SDE2: variants seen among roughly 807,000 people sequenced by gnomAD.
SDE2 encodes spliceosome associated SDE2.
In SDE2, 31 loss-of-function variants were observed where a neutral mutation model predicts 46.9. The observed-to-expected ratio is 0.66, with a 90% confidence interval of 0.50 to 0.89. SDE2 has a LOEUF of 0.89. Among genes scored for constraint, SDE2 ranks in the 40% least tolerant of loss-of-function variants. SDE2 has a pLI of 0.00. For synonymous variants in SDE2, 205 were observed against 204.3 expected (o/e 1.00, Z -0.03); for missense variants, 542 against 564.4 (o/e 0.96, Z 0.40).
chr1:225,987,857 C>G, intron 6 of SDE2, 39 bp downstream of exon 6: 2 of 1,552,660 alleles, frequency 1.3e-6, no homozygotes, highest in Non-Finnish European at 1.7e-6. Flanking sequence ...GGAGATTAAA[C>G]TGATTTGGCT....
rs192900871 is a variant in SDE2, at chr1:225,989,819, T to C, written c.641+1424A>G. On this transcript the variant is annotated intron_variant, in intron 5 of 6. Coordinates refer to ENST00000272091, the MANE Select transcript of SDE2 (RefSeq NM_152608.4). ...GGCTGGACGCGGTGGCTCACGCCTA[T>C]AATCCCAGCACTTTGCGAGGCTGAG... 1.8e-3 allele frequency among the ~76,000 whole-genome samples: 269 copies of C among 152,102 alleles called. 2 individuals carry two copies. The highest frequency in any genetic ancestry group is 6.4e-3 in the African/African-American group (264 of 41,500).
intron 4 of SDE2, 99 bp from the exon 5 acceptor site, chr1:225,991,462 C>G: frequency 1.2e-6 from 1 of 864,960 alleles, no homozygotes; most frequent in Non-Finnish European, 1.8e-6. Context: ...ATCTACAGCT[C>G]CAGATTTAAA....
intron 4 of SDE2, among the ~76,000 whole-genome samples, 188 bp downstream of exon 4, chr1:225,992,210 A>G (rs1656417354): frequency 6.6e-6 from 1 of 152,114 alleles, no homozygotes; most frequent in South Asian, 2.1e-4. Context: ...AATGTTGTAT[A>G]TGTGTTCTTT....
chr1:225,989,575 G>A (rs1355590396), intron 5 of SDE2, among the ~76,000 whole-genome samples: 1 of 150,790 alleles, frequency 6.6e-6, no homozygotes, highest in Non-Finnish European at 1.5e-5. Context: ...GTTGCAGTAA[G>A]CCGAGATTGT....
rs774650120 is a variant in SDE2, at chr1:225,999,294, G to C, written c.19C>G (p.Leu7Val). The change falls in exon 1 of 7, where the codon CTG becomes GTG. Residue 7 changes from leucine (L) to valine (V), a missense_variant. By Grantham distance (32) the Leu-to-Val change is conservative (BLOSUM62 1). Coordinates refer to ENST00000272091, the MANE Select transcript of SDE2 (RefSeq NM_152608.4). The part of the protein sequence containing the change: MAEAAA[L>V]VWIRGPGFGC... ...AAGCCAGGGCCGCGAATCCACACCA[G>C]CGCCGCGGCCTCCGCCATGTCACCG... 8 of 1,611,420 alleles carry C rather than the reference G, an allele frequency of 5.0e-6. No individual in the cohort carries two copies. The East Asian group carries it at 1.8e-4, about 36-fold the overall frequency.
At position 225,992,386 on chromosome 1, in the gene SDE2, C is replaced by A; in HGVS notation, c.520+12G>T. On this transcript the variant is annotated intron_variant, in intron 4 of 6. Transcript: ENST00000272091. Reference sequence around the variant, plus strand: ...GTGCCAGCTGAACACACTAAGGAATCCTCATTCTCACCTTTGAGGACGGAA... The same window carrying A: ...GTGCCAGCTGAACACACTAAGGAATACTCATTCTCACCTTTGAGGACGGAA... The A allele has an allele frequency of 6.2e-7, 1 of 1,610,344 alleles. No homozygotes were observed. Among genetic ancestry groups the A allele is most frequent in the Non-Finnish European group, 8.5e-7 (1 of 1,177,780 alleles).
At chr1:225,994,483 T>C (rs1322869659) in intron 2 of SDE2, among the ~76,000 whole-genome samples, 1 of 152,228 alleles carries the variant, frequency 6.6e-6, no homozygotes, top group African/African-American at 2.4e-5. Context: ...AGCTTAGGGA[T>C]CACATGTTAC....
intron 4 of SDE2, 49 bp from the exon 5 acceptor site, chr1:225,991,412 A>AT: frequency 6.7e-7 from 1 of 1,495,544 alleles, no homozygotes; most frequent in Non-Finnish European, 9.2e-7. Flanking sequence ...GACTAAGTTT[A>AT]AAGAAATCAT....
intron 5 of SDE2, among the ~76,000 whole-genome samples, chr1:225,989,277 C>G (rs1463792544): frequency 3.1e-5 from 4 of 128,850 alleles, no homozygotes; most frequent in Non-Finnish European, 6.5e-5. Flanking sequence ...GCCTGGGGGA[C>G]AGAGCAAGAC....
intron 2 of SDE2, 150 bp downstream of exon 2, chr1:225,995,116 G>A: frequency 1.7e-6 from 1 of 573,944 alleles, no homozygotes; most frequent in South Asian, 2.5e-5. Flanking sequence ...AATTCATAAG[G>A]TAAAACAATA....
At chr1:225,991,171 C>A in intron 5 of SDE2, 72 bp downstream of exon 5, 1 of 1,476,130 alleles carries the variant, frequency 6.8e-7, no homozygotes, top group South Asian at 1.2e-5. Flanking sequence ...TGTGTTTATG[C>A]CAGATAAACA....
In SDE2 at chr1:225,988,305, G is replaced by C. The variant is rs1362134334; in HGVS notation, c.725C>G (p.Ser242Ter). 6 of 1,614,094 alleles carry C rather than the reference G, an allele frequency of 3.7e-6. No homozygotes were observed. The highest frequency in any genetic ancestry group is 2.2e-5 in the East Asian group (1 of 44,902). ...TTTTGGAGCATGGAAACCCATTCCT[G>C]AAGTGCTTGGTGCTTCTTCACTGTC... ...DDDSEEAPST[S>*]GMGFHAPKIG... The change falls in exon 6 of 7, where the codon TCA (serine) becomes TGA (stop). Residue 242 changes from serine (S) to a stop codon, truncating the protein, a stop_gained. Transcript: ENST00000272091. LOFTEE classifies it high-confidence loss of function.
chr1:225,991,335 A>G lies in SDE2; in HGVS notation c.549T>C (p.Val183=), dbSNP rs1656396494. ...KGMQAASSKM[V]SAEISENRKR... ...TCCGATTCTCACTGATTTCTGCTGA[A>G]ACCATCTTGCTGGAGGCAGCCTGCA... The change falls in exon 5 of 7, where the codon GTT becomes GTC. Residue 183 remains valine, a synonymous_variant. Transcript: ENST00000272091. 1 of 1,613,890 alleles carries G rather than the reference A, an allele frequency of 6.2e-7. No homozygotes were observed. The highest frequency in any genetic ancestry group is 8.5e-7 in the Non-Finnish European group (1 of 1,179,792).
rs746335165 is a variant in SDE2, at chr1:225,988,021, C to G, written c.1009G>C (p.Ala337Pro). 6.2e-7 allele frequency: 1 copy of G among 1,614,210 alleles called. No individual in the cohort carries two copies. The highest frequency in any genetic ancestry group is 1.1e-5 in the South Asian group (1 of 91,088). ...KEPIEEEPTG[A>P]GLNKDKETEE... is the part of the protein sequence containing the mutation. The stretch of plus-strand genomic sequence containing the variant: ...GTCTCTTTATCCTTATTCAGTCCAG[C>G]CCCAGTGGGCTCCTCTTCTATGGGT... Residue 337 changes from alanine to proline, a missense_variant, in exon 6 of 7, where the codon GCT becomes CCT. Ala to Pro is a conservative substitution (Grantham distance 27). Transcript: ENST00000272091.
Position 225,992,925 on chromosome 1 carries a change from C to T in SDE2, c.316G>A (p.Gly106Arg). ...TGATTGACATCGCGTAGTCTCCTTCCACTGAGATCCCGACAAGCTTCTCGA... is the reference window on the plus strand; with the variant it reads ...TGATTGACATCGCGTAGTCTCCTTCTACTGAGATCCCGACAAGCTTCTCGA... ...TNREACRDLS[G>R]RRLRDVNHEK... Residue 106 changes from glycine (G) to arginine (R), a missense_variant, in exon 3 of 7, where the codon GGA becomes AGA. Physicochemically the swap from Gly to Arg is moderately radical, Grantham distance 125. Transcript: ENST00000272091. 1 of 1,612,776 alleles carries T rather than the reference C, an allele frequency of 6.2e-7. No homozygotes were observed. The highest frequency in any genetic ancestry group is 1.3e-5 in the African/African-American group (1 of 75,002).
intron 2 of SDE2, among the ~76,000 whole-genome samples, chr1:225,993,933 CTAT>C (rs1558085276): frequency 7.5e-5 from 4 of 53,392 alleles, no homozygotes; most frequent in Non-Finnish European, 5.5e-5. Flanking sequence ...ATGCAGCTAG[CTAT>C]TTTTTTTTTT....
rs1656189206 is a variant in SDE2 at position 225,983,049 on chromosome 1, GA to G, written c.*2252del. ...TTATAAAATAATCTTATCTAAACAGGAAACATGTAAATTAGAAACCTATTAA... is the reference window on the plus strand; with the variant it reads ...TTATAAAATAATCTTATCTAAACAGGAACATGTAAATTAGAAACCTATTAA... On this transcript the variant is annotated 3_prime_UTR_variant, in exon 7 of 7. Transcript: ENST00000272091. The G allele has an allele frequency of 1.3e-5, 2 of 152,112 alleles. No individual in the cohort carries two copies. Among genetic ancestry groups the G allele is most frequent in the African/African-American group, 4.8e-5 (2 of 41,512 alleles). The allele number at this position is 152,112 out of a possible 1,614,324, so 9.4% of individuals were successfully genotyped here.
intron 3 of SDE2, 56 bp downstream of exon 3, chr1:225,992,835 C>G: frequency 2.0e-6 from 2 of 978,338 alleles, no homozygotes; most frequent in East Asian, 4.8e-5. Flanking sequence ...ATAATCACTA[C>G]TAATAGGAAA....
In SDE2 at chr1:225,992,876, A is replaced by C; in HGVS notation, c.350+15T>G. ...TGTCTCTCCTCAAAAACACAAAAAAAGGTGGGCATCTTACGCTTTTTCATG... is the reference window on the plus strand; with the variant it reads ...TGTCTCTCCTCAAAAACACAAAAAACGGTGGGCATCTTACGCTTTTTCATG... On this transcript the variant is annotated intron_variant, in intron 3 of 6. Coordinates refer to ENST00000272091, the MANE Select transcript of SDE2 (RefSeq NM_152608.4). 2.7e-6 allele frequency: 4 copies of C among 1,463,166 alleles called. No individual in the cohort carries two copies. The highest frequency in any genetic ancestry group is 3.8e-6 in the Non-Finnish European group (4 of 1,042,996). The allele number at this position is 1,463,166 out of a possible 1,614,324, so 90.6% of individuals were successfully genotyped here.
Sources: allele counts gnomAD v4.1 joint callset (sites outside exome capture counted in the v4.1 genomes callset), GRCh38; gene constraint gnomAD v4.1.1; transcripts MANE v1.5; gene names NCBI Gene and HGNC (gene_info 2026-07-23, HGNC 2026-07-21).